Variants in CLIP1 observed in about 807,000 individuals in gnomAD.
The protein encoded by CLIP1 is CAP-Gly domain-containing linker protein 1.
CLIP1 carries 66 observed loss-of-function variants against 161.6 expected under a neutral mutation model. The observed-to-expected ratio is 0.41, with a 90% confidence interval of 0.33 to 0.50. The LOEUF (loss-of-function observed/expected upper bound fraction) is 0.50. CLIP1 is among the 20% of genes least tolerant of loss of function. The probability of loss-of-function intolerance (pLI) is 0.27; values close to 1 mark genes in which losing one functional copy is unlikely to be tolerated. For missense variants in CLIP1, 1,376 were observed against 1,702.0 expected (o/e 0.81, Z 3.37); for synonymous variants, 598 against 626.2 (o/e 0.96, Z 0.67).
At chr12:122,403,620 G>A (rs1195516487) in intron 1 of CLIP1, among the ~76,000 whole-genome samples, 3 of 149,908 alleles carry the variant, frequency 2.0e-5, no homozygotes, top group Admixed American at 1.4e-4. Context: ...CTGGGTTCAA[G>A]CGATTCTCCT....
At chr12:122,321,283 T>C (rs1393141914) in intron 17 of CLIP1, among the ~76,000 whole-genome samples, 1 of 151,778 alleles carries the variant, frequency 6.6e-6, no homozygotes, top group Non-Finnish European at 1.5e-5. Context: ...TTCACTCTTG[T>C]TGCCCAGGCT....
At chr12:122,397,988 T>C (rs1334429544) in intron 1 of CLIP1, among the ~76,000 whole-genome samples, 4 of 151,474 alleles carry the variant, frequency 2.6e-5, no homozygotes, top group Non-Finnish European at 4.4e-5. Flanking sequence ...AATTAACTTA[T>C]CAGTTTCAGC....
chr12:122,358,248 G>C (rs1298577943), intron 5 of CLIP1, among the ~76,000 whole-genome samples: 25 of 151,204 alleles, frequency 1.7e-4, no homozygotes, highest in Admixed American at 3.3e-4. Context: ...CAGCATGCTC[G>C]TTAAGAGTCA....
At chr12:122,356,772 C>A (rs142220575) in intron 5 of CLIP1, among the ~76,000 whole-genome samples, 17,638 of 152,086 alleles carry the variant, frequency 0.12, 1,392 homozygotes, top group East Asian at 0.45. Flanking sequence ...CGAGTGCCTG[C>A]GATTGCAGGC....
intron 9 of CLIP1, among the ~76,000 whole-genome samples, chr12:122,350,357 A>C: frequency 6.6e-6 from 1 of 152,196 alleles, no homozygotes; most frequent in East Asian, 1.9e-4. Context: ...TACACCAGGA[A>C]GCAGGGCTCT....
intron 20 of CLIP1, among the ~76,000 whole-genome samples, chr12:122,291,189 G>A (rs937340129): frequency 4.0e-5 from 6 of 149,874 alleles, no homozygotes; most frequent in African/African-American, 9.8e-5. Context: ...TTCTGCGCCC[G>A]ACCCTTTTCT....
intron 21 of CLIP1, among the ~76,000 whole-genome samples, chr12:122,281,177 G>T (rs1803624553): frequency 6.6e-6 from 1 of 152,204 alleles, no homozygotes; most frequent in Admixed American, 6.5e-5. Flanking sequence ...AGTAAGAAAA[G>T]AATCTGAGAC....
intron 5 of CLIP1, 35 bp downstream of exon 5, chr12:122,360,924 G>A (rs373845180): frequency 1.2e-5 from 19 of 1,548,572 alleles, no homozygotes; most frequent in Non-Finnish European, 1.7e-5. Flanking sequence ...ATCCTGCCTG[G>A]GAAGTGGAGG....
At chr12:122,333,712 G>C (rs1024434306) in intron 14 of CLIP1, among the ~76,000 whole-genome samples, 1 of 152,206 alleles carries the variant, frequency 6.6e-6, no homozygotes, top group South Asian at 2.1e-4. Flanking sequence ...GACCGAAGCC[G>C]GCACAGGCAG....
Position 122,272,609 on chromosome 12 carries a change from G to A in CLIP1, c.*266C>T. 2.4e-6 allele frequency: 1 copy of A among 417,970 alleles called. No individual in the cohort carries two copies. The highest frequency in any genetic ancestry group is 4.4e-6 in the Non-Finnish European group (1 of 228,928). The allele number at this position is 417,970 out of a possible 1,614,324, so 25.9% of individuals were successfully genotyped here. On this transcript the variant is annotated 3_prime_UTR_variant, in exon 26 of 26. Transcript: ENST00000620786. ...CTACAAGGTCGGGGGGCCAATAAAT[G>A]TAATGGCATCTGGTGCAATGTCTTC...
intron 20 of CLIP1, among the ~76,000 whole-genome samples, chr12:122,300,439 AT>A (rs1157478634): frequency 6.6e-6 from 1 of 152,222 alleles, no homozygotes; most frequent in Non-Finnish European, 1.5e-5. Context: ...GAGCAAAAAA[AT>A]GTTATTTACC....
rs1555281435 is a variant in CLIP1 at position 122,393,182 on chromosome 12, T to TC, written c.-106-12625_-106-12624insG. On this transcript the variant is annotated intron_variant, in intron 1 of 25. Coordinates refer to ENST00000620786, the MANE Select transcript of CLIP1 (RefSeq NM_001247997.2). ...GGCAATCTTGTTTTTTTTTTTTTTT[T>TC]AGATGGAGTCTCACTCTGTCACCTA... 1.9e-4 allele frequency among the ~76,000 whole-genome samples: 29 copies of TC among 151,348 alleles called. 1 individual carries two copies. In the South Asian group the frequency reaches 6.1e-3, roughly 32 times the overall value.
At chr12:122,387,579 TA>T (rs1955367630) in intron 1 of CLIP1, among the ~76,000 whole-genome samples, 34 of 4,296 alleles carry the variant, frequency 7.9e-3, no homozygotes, top group African/African-American at 0.014. Flanking sequence ...TATATATATA[TA>T]TATATATATA....
At chr12:122,317,939 C>T (rs1045228477) in intron 18 of CLIP1, among the ~76,000 whole-genome samples, 1 of 152,334 alleles carries the variant, frequency 6.6e-6, no homozygotes, top group East Asian at 1.9e-4. Context: ...AGGTTAGACA[C>T]ATTCCCTAAA....
chr12:122,398,026 T>A (rs1050654046), intron 1 of CLIP1, among the ~76,000 whole-genome samples: 6 of 151,876 alleles, frequency 4.0e-5, no homozygotes. Flanking sequence ...TTATATGGTA[T>A]AGTGGCAAGC....
chr12:122,405,590 A>G (rs1192433671), intron 1 of CLIP1, among the ~76,000 whole-genome samples: 1 of 152,006 alleles, frequency 6.6e-6, no homozygotes, highest in Non-Finnish European at 1.5e-5. Context: ...AGAGTTCAAG[A>G]CCAGCCTGGC....
intron 5 of CLIP1, among the ~76,000 whole-genome samples, chr12:122,356,673 T>C (rs149502331): frequency 0.022 from 3,275 of 152,114 alleles, 105 homozygotes; most frequent in African/African-American, 0.075. Context: ...TTCCATGGTC[T>C]CCCTCTGATG....
At chr12:122,291,253 G>A (rs1484541920) in intron 20 of CLIP1, among the ~76,000 whole-genome samples, 2 of 150,942 alleles carry the variant, frequency 1.3e-5, no homozygotes, top group African/African-American at 2.4e-5. Context: ...GCAGTGGCGC[G>A]ATCTTGGCTC....
chr12:122,324,968 G>GTT (rs1242687283), intron 17 of CLIP1, among the ~76,000 whole-genome samples: 1 of 143,616 alleles, frequency 7.0e-6, no homozygotes, highest in East Asian at 2.0e-4. Flanking sequence ...AAAAGGAATA[G>GTT]TTTTTTTTTT....
Sources: gnomAD v4.1 joint callset for allele counts (sites outside exome capture counted in the v4.1 genomes callset) on GRCh38, gnomAD v4.1.1 for gene constraint, MANE v1.5 for transcripts, NCBI Gene and HGNC (gene_info 2026-07-23, HGNC 2026-07-21) for gene names.